SYNC: variants seen among roughly 807,000 people sequenced by gnomAD.
The protein encoded by SYNC is syncoilin.
SYNC carries 38 observed loss-of-function variants against 49.5 expected under a neutral mutation model. That is an observed-to-expected ratio of 0.77 (90% CI 0.59 to 1.01). The LOEUF is 1.01. Among genes scored for constraint, SYNC ranks in the 50% least tolerant of loss-of-function variants. The pLI is 0.00. For missense variants in SYNC, 579 were observed against 580.6 expected (o/e 1.00, Z 0.03); for synonymous variants, 201 against 230.8 (o/e 0.87, Z 1.17).
intron 2 of SYNC, 21 bp from the exon 3 acceptor site, chr1:32,684,403 C>T (rs375672500): frequency 6.6e-5 from 107 of 1,613,912 alleles, no homozygotes; most frequent in Non-Finnish European, 8.6e-5. Flanking sequence ...TGGCCAAGAA[C>T]ATTTCTAATG....
chr1:32,702,535 G>T lies in SYNC; in HGVS notation c.53+73C>A, dbSNP rs367968995. On this transcript the variant is annotated intron_variant, in intron 1 of 4. Coordinates refer to ENST00000409190, the MANE Select transcript of SYNC (RefSeq NM_030786.3). The surrounding 1 kb of genome is among the most constrained non-coding windows in gnomAD (Gnocchi z 6.2). ...AGACAGGCGAAAGACGCCCGCGGTC[G>T]GGGGGAAAGGGAACCCGTCCAGCAG... 6.7e-6 allele frequency: 8 copies of T among 1,191,400 alleles called. No homozygotes were observed. The South Asian group carries it at 1.3e-4, about 19-fold the overall frequency. 73.8% of individuals were successfully genotyped at this position (1,191,400 alleles called of 1,614,324 possible). A position where few individuals can be genotyped will look rare whatever the true frequency, so the allele number is the denominator to read the frequency against.
chr1:32,690,232 T>G (rs904716387), intron 2 of SYNC, among the ~76,000 whole-genome samples: 1 of 152,130 alleles, frequency 6.6e-6, no homozygotes, highest in African/African-American at 2.4e-5. Flanking sequence ...TTTTAAAACT[T>G]TGTGTCATAA....
intron 1 of SYNC, among the ~76,000 whole-genome samples, chr1:32,698,286 AG>A (rs2148563052): frequency 6.6e-6 from 1 of 150,982 alleles, no homozygotes; most frequent in South Asian, 2.1e-4. Context: ...TGGGAGGCTG[AG>A]GCAGGCGGAT....
intron 2 of SYNC, among the ~76,000 whole-genome samples, chr1:32,687,854 T>TATTATTATTATTATG (rs1423000746): frequency 4.5e-5 from 1 of 22,116 alleles, no homozygotes; most frequent in African/African-American, 6.1e-5. Context: ...TTATTATTAT[T>TATTATTATTATTATG]ATTATTATTT....
At chr1:32,692,118 G>C (rs1179992103) in intron 2 of SYNC, among the ~76,000 whole-genome samples, 1 of 152,034 alleles carries the variant, frequency 6.6e-6, no homozygotes, top group Non-Finnish European at 1.5e-5. Flanking sequence ...TGCAATCCCA[G>C]CTACTCGGGA....
intron 1 of SYNC, among the ~76,000 whole-genome samples, chr1:32,696,582 G>A (rs941272849): frequency 5.3e-5 from 8 of 151,610 alleles, no homozygotes; most frequent in Admixed American, 2.6e-4. Flanking sequence ...TGAGCAGCTG[G>A]GATTATAGGC....
Position 32,702,611 on chromosome 1 carries a change from G to A in SYNC, c.50C>T (p.Ala17Val). The A allele has an allele frequency of 1.6e-6, 2 of 1,224,734 alleles. No homozygotes were observed. The highest frequency in any genetic ancestry group is 2.0e-6 in the Non-Finnish European group (2 of 983,560). The allele number at this position is 1,224,734 out of a possible 1,614,324, so 75.9% of individuals were successfully genotyped here. ...CGCGGGCCCGGCACTGTCCTACCTC[G>A]CGGCCTGGGCGGCGCCGTCCCCGCC... ...RRGGDGAAQAARKTRVEANSP... is the reference protein window; with the variant it reads ...RRGGDGAAQAVRKTRVEANSP... Residue 17 changes from alanine to valine, a missense_variant, in exon 1 of 5, where the codon GCG becomes GTG. Physicochemically the swap from Ala to Val is moderately conservative, Grantham distance 64. Coordinates refer to ENST00000409190, the MANE Select transcript of SYNC (RefSeq NM_030786.3). The surrounding 1 kb of genome is among the most constrained non-coding windows in gnomAD (Gnocchi z 6.2).
chr1:32,684,432 C>CAA (rs1649676696), intron 2 of SYNC, 50 bp from the exon 3 acceptor site: 11 of 1,612,214 alleles, frequency 6.8e-6, no homozygotes, highest in Non-Finnish European at 9.3e-6. Context: ...AATAAAAACT[C>CAA]ACATTGTCCA....
At chr1:32,700,725 A>C (rs1485736956) in intron 1 of SYNC, among the ~76,000 whole-genome samples, 2 of 152,264 alleles carry the variant, frequency 1.3e-5, no homozygotes, top group East Asian at 3.9e-4. Flanking sequence ...AAGAATCTTC[A>C]TCTATTATCT....
chr1:32,681,272 T>G lies in SYNC; in HGVS notation c.*578A>C, dbSNP rs1296011877. On this transcript the variant is annotated 3_prime_UTR_variant, in exon 5 of 5. Transcript: ENST00000409190. ...TGGTTTCTTTTCAAGTCTAGTTGTT[T>G]TAGAGTATAGTGAGAAATACCTTGA... The G allele has an allele frequency of 2.0e-5, 3 of 152,682 alleles. No individual in the cohort carries two copies. The highest frequency in any genetic ancestry group is 7.2e-5 in the African/African-American group (3 of 41,464). 9.5% of individuals were successfully genotyped at this position (152,682 alleles called of 1,614,324 possible). A position where few individuals can be genotyped will look rare whatever the true frequency, so the allele number is the denominator to read the frequency against.
chr1:32,695,196 TG>T lies in SYNC; in HGVS notation c.901del (p.Gln301SerfsTer6). ...AGGGGCTTCTAGTTGTTGCCGCAGC[TG>T]CTCCTTCTGCTTCTGATAGGCATCC... is the stretch of plus-strand genomic sequence containing the variant. ...LRDAYQKQKE[Q>X]LRQQLEAPPS... On this transcript the variant is annotated frameshift_variant, in exon 2 of 5. Coordinates refer to ENST00000409190, the MANE Select transcript of SYNC (RefSeq NM_030786.3). LOFTEE classifies it high-confidence loss of function. The T allele has an allele frequency of 1.3e-6, 2 of 1,559,298 alleles. No homozygotes were observed. The highest frequency in any genetic ancestry group is 1.7e-6 in the Non-Finnish European group (2 of 1,151,212).
Position 32,702,392 on chromosome 1 carries a change from G to A in SYNC, c.53+216C>T, listed in dbSNP as rs1373195558. ...TTTTCATGTAGTCCCGGGAGGGGGAGGGGTATTATAAAAAGCCACAGACAA... is the reference window on the plus strand; with the variant it reads ...TTTTCATGTAGTCCCGGGAGGGGGAAGGGTATTATAAAAAGCCACAGACAA... On this transcript the variant is annotated intron_variant, in intron 1 of 4. Coordinates refer to ENST00000409190, the MANE Select transcript of SYNC (RefSeq NM_030786.3). This position sits in a 1 kb window ranked among gnomAD's most constrained non-coding sequence, Gnocchi z 6.2. 6.6e-6 allele frequency among the ~76,000 whole-genome samples: 1 copy of A among 152,186 alleles called. No homozygotes were observed. Among genetic ancestry groups the A allele is most frequent in the African/African-American group, 2.4e-5 (1 of 41,450 alleles).
At position 32,695,133 on chromosome 1, in the gene SYNC, C is replaced by G. The variant is rs775833133; in HGVS notation, c.965G>C (p.Arg322Pro). 11 of 1,609,278 alleles carry G rather than the reference C, an allele frequency of 6.8e-6. No homozygotes were observed. Among genetic ancestry groups the G allele is most frequent in the Non-Finnish European group, 9.3e-6 (11 of 1,178,088 alleles). The change falls in exon 2 of 5, where the codon CGG becomes CCG. Residue 322 changes from arginine (R) to proline (P), a missense_variant. Coordinates refer to ENST00000409190, the MANE Select transcript of SYNC (RefSeq NM_030786.3). ...QRDGHFLQES[R>P]RLSAQFENLM... ...ATTTTCAAACTGGGCAGAGAGTCGC[C>G]GGCTTTCCTGGAGAAAGTGCCCATC...
upstream of SYNC, chr1:32,702,922 A>C: frequency 6.0e-6 from 1 of 165,594 alleles, no homozygotes. The surrounding 1 kb of genome is among the most constrained non-coding windows in gnomAD (Gnocchi z 6.2). Flanking sequence ...GTCTTTCCAA[A>C]CCTCCCAGCC....
chr1:32,695,772 A>T lies in SYNC; in HGVS notation c.326T>A (p.Val109Glu). The change falls in exon 2 of 5, where the codon GTG (valine) becomes GAG (glutamate). Residue 109 changes from valine (V) to glutamate (E), a missense_variant. Coordinates refer to ENST00000409190, the MANE Select transcript of SYNC (RefSeq NM_030786.3). Reference sequence around the variant, plus strand: ...CCGATCTGGCTCCGTGGTTTCCTCCACACACACTGTCTCCTCTGGATTCCC... The same window carrying T: ...CCGATCTGGCTCCGTGGTTTCCTCCTCACACACTGTCTCCTCTGGATTCCC... ...EPGNPEETVC[V>E]EETTEPDRIQ... is the part of the protein sequence containing the mutation. 1 of 1,551,498 alleles carries T rather than the reference A, an allele frequency of 6.4e-7. No individual in the cohort carries two copies. Among genetic ancestry groups the T allele is most frequent in the Non-Finnish European group, 8.7e-7 (1 of 1,146,960 alleles).
chr1:32,687,855 A>ATTATTATTATTATTATTATTAT (rs71006359), intron 2 of SYNC, among the ~76,000 whole-genome samples: 1 of 135,516 alleles, frequency 7.4e-6, no homozygotes, highest in Non-Finnish European at 1.6e-5. Context: ...TATTATTATT[A>ATTATTATTATTATTATTATTAT]TTATTATTTT....
In SYNC at chr1:32,695,756, C is replaced by T. The variant is rs1460832452; in HGVS notation, c.342G>A (p.Glu114=). The part of the protein sequence containing the change: ...EETVCVEETT[E]PDRIQFVEGP... ...CCTCCACAAACTGTATCCGATCTGG[C>T]TCCGTGGTTTCCTCCACACACACTG... Residue 114 remains glutamate, a synonymous_variant, in exon 2 of 5, where the codon GAG becomes GAA. Coordinates refer to ENST00000409190, the MANE Select transcript of SYNC (RefSeq NM_030786.3). The T allele has an allele frequency of 6.4e-7, 1 of 1,551,554 alleles. No individual in the cohort carries two copies. The highest frequency in any genetic ancestry group is 8.7e-7 in the Non-Finnish European group (1 of 1,147,020).
chr1:32,689,939 C>CAAA (rs11320062), intron 2 of SYNC, among the ~76,000 whole-genome samples: 30 of 100,632 alleles, frequency 3.0e-4, no homozygotes, highest in South Asian at 1.3e-3. Flanking sequence ...GACACCGTCA[C>CAAA]AAAAAAAAAA....
At chr1:32,696,895 G>T (rs556468934) in intron 1 of SYNC, among the ~76,000 whole-genome samples, 7 of 151,168 alleles carry the variant, frequency 4.6e-5, no homozygotes, top group Admixed American at 4.0e-4. Flanking sequence ...CTACAGACAC[G>T]TGCCATCACA....
Sources: allele counts gnomAD v4.1 joint callset (sites outside exome capture counted in the v4.1 genomes callset), GRCh38; gene constraint gnomAD v4.1.1; non-coding constraint Gnocchi (gnomAD v3.1); transcripts MANE v1.5; gene names NCBI Gene and HGNC (gene_info 2026-07-23, HGNC 2026-07-21).